Variants in ZNF292 observed in about 807,000 individuals in gnomAD.
ZNF292 encodes the protein zinc finger protein 292, also known as 16 zinc-finger domain protein.
In ZNF292, 26 loss-of-function variants were observed where a neutral mutation model predicts 217.9. The observed-to-expected ratio is 0.12, with a 90% CI of 0.09 to 0.17. ZNF292 has a LOEUF of 0.17. Among genes scored for constraint, ZNF292 ranks in the 10% least tolerant of loss-of-function variants. The probability of loss-of-function intolerance (pLI) is 1.00; values close to 1 mark genes in which losing one functional copy is unlikely to be tolerated. For synonymous variants in ZNF292, 1,257 were observed against 1,124.1 expected (o/e 1.12, Z -2.37); for missense variants, 2,904 against 3,175.2 (o/e 0.91, Z 2.05).
chr6:87,187,414 C>G (rs9362405), intron 1 of ZNF292, among the ~76,000 whole-genome samples: 17,724 of 151,842 alleles, frequency 0.12, 1,180 homozygotes, highest in African/African-American at 0.18. Flanking sequence ...TGAACCCACT[C>G]TGTGGTCAAA....
chr6:87,159,522 A>G (rs1770655002), intron 1 of ZNF292, among the ~76,000 whole-genome samples: 1 of 139,092 alleles, frequency 7.2e-6, no homozygotes, highest in Admixed American at 7.1e-5. Flanking sequence ...TTTTTAAAAA[A>G]GATGTAGTTT....
Position 87,261,653 on chromosome 6 carries a change from A to T in ZNF292, c.8024A>T (p.Lys2675Ile), listed in dbSNP as rs769138506. ...NVKIVLDKNL[K>I]DCTELVLKQL... ...AAAATTGTTTTAGACAAGAATCTTAAAGATTGCACTGAGCTTGTCTTAAAG... is the reference window on the plus strand; with the variant it reads ...AAAATTGTTTTAGACAAGAATCTTATAGATTGCACTGAGCTTGTCTTAAAG... The change falls in exon 8 of 8, where the codon AAA (lysine) becomes ATA (isoleucine). Residue 2675 changes from lysine (K) to isoleucine (I), a missense_variant. Physicochemically the swap from Lys to Ile is moderately radical, Grantham distance 102. Around this residue, in one of 15 missense-constraint regions of ZNF292, gnomAD observed 380 missense variants for 355.3 expected, o/e 1.07. Coordinates refer to ENST00000369577, the MANE Select transcript of ZNF292 (RefSeq NM_015021.3). 1 of 1,612,482 alleles carries T rather than the reference A, an allele frequency of 6.2e-7. No individual in the cohort carries two copies. Among genetic ancestry groups the T allele is most frequent in the Non-Finnish European group, 8.5e-7 (1 of 1,179,134 alleles).
At chr6:87,190,116 A>G (rs1227649500) in intron 1 of ZNF292, among the ~76,000 whole-genome samples, 2 of 152,162 alleles carry the variant, frequency 1.3e-5, no homozygotes, top group Non-Finnish European at 2.9e-5. Context: ...GTGTGTATGC[A>G]TATGTGTGTA....
intron 1 of ZNF292, among the ~76,000 whole-genome samples, chr6:87,187,589 A>G (rs1478056855): frequency 6.6e-6 from 1 of 151,852 alleles, no homozygotes. Flanking sequence ...ATGGTGGTGC[A>G]TGCCTGTAGT....
intron 1 of ZNF292, among the ~76,000 whole-genome samples, chr6:87,173,187 G>T (rs2127774132): frequency 9.1e-6 from 1 of 110,036 alleles, no homozygotes. Context: ...TTAATTTATT[G>T]TCAGTTTTGT....
chr6:87,207,535 T>A (rs888160841), intron 1 of ZNF292, among the ~76,000 whole-genome samples: 2 of 152,212 alleles, frequency 1.3e-5, no homozygotes, highest in Non-Finnish European at 2.9e-5. Context: ...GTGAAAAAAA[T>A]ATAAAAAATG....
rs748201198 is a variant in ZNF292, at chr6:87,258,693, G to A, written c.5064G>A (p.Gln1688=). Residue 1688 remains glutamine (Q), a synonymous_variant, in exon 8 of 8, where the codon CAG becomes CAA. Transcript: ENST00000369577. Reference sequence around the variant, plus strand: ...AGAGTTTGGTGGAAAATCTAACACAGAAATTAAATAATGTTAACAATCAGT... The same window carrying A: ...AGAGTTTGGTGGAAAATCTAACACAAAAATTAAATAATGTTAACAATCAGT... ...EPQSLVENLT[Q]KLNNVNNQLF... is the part of the protein sequence containing the mutation. 6.2e-7 allele frequency: 1 copy of A among 1,613,324 alleles called. No homozygotes were observed. Among genetic ancestry groups the A allele is most frequent in the East Asian group, 2.2e-5 (1 of 44,856 alleles).
intron 7 of ZNF292, among the ~76,000 whole-genome samples, chr6:87,252,508 A>G (rs1408193626): frequency 1.3e-5 from 2 of 152,134 alleles, no homozygotes; most frequent in Non-Finnish European, 2.9e-5. Flanking sequence ...CTGAATAATC[A>G]CACTGCTTCT....
At chr6:87,216,108 GACACAC>G (rs57115253) in intron 2 of ZNF292, 51 bp downstream of exon 2, 66,151 of 496,646 alleles carry the variant, frequency 0.13, 1,688 homozygotes, top group Middle Eastern at 0.14. Flanking sequence ...AAAATACATA[GACACAC>G]ACACACACAC....
At chr6:87,221,926 T>A (rs1407569113) in intron 4 of ZNF292, among the ~76,000 whole-genome samples, 1 of 152,158 alleles carries the variant, frequency 6.6e-6, no homozygotes, top group Non-Finnish European at 1.5e-5. Flanking sequence ...GACATTACGT[T>A]TTTGGGCAGC....
intron 5 of ZNF292, among the ~76,000 whole-genome samples, chr6:87,235,728 C>T (rs1773873161): frequency 6.6e-6 from 1 of 152,024 alleles, no homozygotes; most frequent in Non-Finnish European, 1.5e-5. Context: ...TGGGTACTTC[C>T]AGTGTCATAT....
In ZNF292 at chr6:87,211,670, T is replaced by C. The variant is rs144678599; in HGVS notation, c.169-4233T>C. Among the ~76,000 whole-genome samples the C allele has an allele frequency of 3.6e-3, 554 of 152,324 alleles. 2 individuals carry two copies. Among genetic ancestry groups the C allele is most frequent in the African/African-American group, 0.013 (530 of 41,586 alleles). Reference sequence around the variant, plus strand: ...GCACATGGTAAATATTCAGTAAATATTATTTAGTATCCAGATAAAGCATCC... The same window carrying C: ...GCACATGGTAAATATTCAGTAAATACTATTTAGTATCCAGATAAAGCATCC... On this transcript the variant is annotated intron_variant, in intron 1 of 7. Coordinates refer to ENST00000369577, the MANE Select transcript of ZNF292 (RefSeq NM_015021.3).
At position 87,258,371 on chromosome 6, in the gene ZNF292, A is replaced by G; in HGVS notation, c.4742A>G (p.Glu1581Gly). ...PTNDLLLKTVENGLCSSSFPN... is the reference protein window; with the variant it reads ...PTNDLLLKTVGNGLCSSSFPN... ...AATGACTTACTACTGAAGACTGTTG[A>G]AAATGGTTTGTGCTCTAGTTCATTT... The change falls in exon 8 of 8, where the codon GAA becomes GGA. Residue 1581 changes from glutamate (E) to glycine (G), a missense_variant. Coordinates refer to ENST00000369577, the MANE Select transcript of ZNF292 (RefSeq NM_015021.3). The G allele has an allele frequency of 1.9e-6, 3 of 1,613,672 alleles. No homozygotes were observed. Among genetic ancestry groups the G allele is most frequent in the South Asian group, 2.2e-5 (2 of 91,050 alleles).
At chr6:87,229,963 T>C (rs1773563514) in intron 4 of ZNF292, among the ~76,000 whole-genome samples, 1 of 139,120 alleles carries the variant, frequency 7.2e-6, no homozygotes. Flanking sequence ...TGATTTGGGC[T>C]GGGTTGGGTT....
Position 87,214,762 on chromosome 6 carries a change from GTAGT to G in ZNF292, c.169-1138_169-1135del, listed in dbSNP as rs146176456. ...GAATATATGGCTACTCAGTCGGTGAGTAGTTATTTTGTTGCCCTTTAGTTTACCA... is the reference window on the plus strand; with the variant it reads ...GAATATATGGCTACTCAGTCGGTGAGTATTTTGTTGCCCTTTAGTTTACCA... On this transcript the variant is annotated intron_variant, in intron 1 of 7. Transcript: ENST00000369577. Among the ~76,000 whole-genome samples, 701 of 152,280 alleles carry G rather than the reference GTAGT, an allele frequency of 4.6e-3. 6 individuals are homozygous for G. Among genetic ancestry groups the G allele is most frequent in the African/African-American group, 0.016 (677 of 41,550 alleles).
At chr6:87,164,929 A>AT (rs71554705) in intron 1 of ZNF292, among the ~76,000 whole-genome samples, 48,632 of 141,736 alleles carry the variant, frequency 0.34, 8,368 homozygotes, top group Admixed American at 0.46. Context: ...TGCCCGTCTA[A>AT]TTTTTTTTTT....
intron 4 of ZNF292, among the ~76,000 whole-genome samples, chr6:87,220,899 A>G (rs1013083643): frequency 6.6e-6 from 1 of 152,152 alleles, no homozygotes; most frequent in Admixed American, 6.5e-5. Context: ...ACAACCAGAG[A>G]GATGTTACAT....
At chr6:87,225,695 C>A (rs1026814599) in intron 4 of ZNF292, among the ~76,000 whole-genome samples, 1 of 152,114 alleles carries the variant, frequency 6.6e-6, no homozygotes, top group East Asian at 1.9e-4. Context: ...TACAGTTTTG[C>A]AAGAAGTACC....
intron 1 of ZNF292, among the ~76,000 whole-genome samples, chr6:87,196,034 AAAAAAAC>A (rs1458922367): frequency 6.6e-6 from 1 of 151,950 alleles, no homozygotes; most frequent in African/African-American, 2.4e-5. Flanking sequence ...TCTCAAAAAA[AAAAAAAC>A]AAAAAGAAAA....
Sources: allele counts gnomAD v4.1 joint callset (sites outside exome capture counted in the v4.1 genomes callset), GRCh38; gene constraint gnomAD v4.1.1; regional missense constraint gnomAD v4.1.1; transcripts MANE v1.5; gene names NCBI Gene and HGNC (gene_info 2026-07-23, HGNC 2026-07-21).